Variants in C1orf185 observed in about 807,000 individuals in gnomAD.
The protein encoded by C1orf185 is uncharacterized protein C1orf185.
Under a neutral mutation model 16.1 loss-of-function variants are expected in C1orf185, and 13 were observed. The observed-to-expected ratio is 0.81, with a 90% CI of 0.53 to 1.28. C1orf185 has a LOEUF of 1.28. Ranked by LOEUF, C1orf185 falls within the 50% of genes most tolerant of loss-of-function variation. The probability of loss-of-function intolerance (pLI) is 0.00; values close to 1 mark genes in which losing one functional copy is unlikely to be tolerated. For missense variants in C1orf185, 220 were observed against 225.2 expected, an observed-to-expected ratio of 0.98 and a Z score of 0.15; for synonymous variants, 80 against 76.9, an observed-to-expected ratio of 1.04 and a Z score of -0.21.
chr1:51,148,819 T>A (rs1311728394), downstream of C1orf185, among the ~76,000 whole-genome samples: 7 of 152,138 alleles, frequency 4.6e-5, no homozygotes, highest in Admixed American at 2.0e-4. Flanking sequence ...CCCAGCTACT[T>A]GGGAGGCTGA....
intron 2 of C1orf185, among the ~76,000 whole-genome samples, chr1:51,116,447 G>T (rs1181658247): frequency 1.3e-5 from 2 of 151,682 alleles, no homozygotes; most frequent in African/African-American, 4.8e-5. Flanking sequence ...CTGAGTAGCT[G>T]GGGCTACAGG....
chr1:51,144,480 G>A (rs955673657), intron 3 of C1orf185, among the ~76,000 whole-genome samples: 2 of 152,132 alleles, frequency 1.3e-5, no homozygotes, highest in African/African-American at 4.8e-5. Context: ...GGGAGGCTAC[G>A]GTGGGAGGAT....
intron 2 of C1orf185, among the ~76,000 whole-genome samples, chr1:51,114,613 C>T (rs1303287494): frequency 6.6e-6 from 1 of 152,108 alleles, no homozygotes; most frequent in African/African-American, 2.4e-5. Context: ...ACCCCAGCTA[C>T]CTGGGAGGCT....
At chr1:51,135,410 A>C (rs2148027223) in intron 3 of C1orf185, among the ~76,000 whole-genome samples, 1 of 152,178 alleles carries the variant, frequency 6.6e-6, no homozygotes, top group Non-Finnish European at 1.5e-5. Flanking sequence ...GTGGTGGCAC[A>C]TGCCTGTAGT....
At chr1:51,107,920 T>C (rs1231079526) in intron 1 of C1orf185, among the ~76,000 whole-genome samples, 1 of 152,258 alleles carries the variant, frequency 6.6e-6, no homozygotes, top group African/African-American at 2.4e-5. Flanking sequence ...CAGTTTCCAA[T>C]TTGTGGGCTA....
intron 3 of C1orf185, among the ~76,000 whole-genome samples, chr1:51,137,007 A>G (rs1378185890): frequency 6.6e-5 from 10 of 152,210 alleles, no homozygotes; most frequent in Non-Finnish European, 1.3e-4. Flanking sequence ...CAAACCATGC[A>G]TCTGACAAAG....
At chr1:51,123,175 A>G (rs1348439372) in intron 3 of C1orf185, among the ~76,000 whole-genome samples, 2 of 152,066 alleles carry the variant, frequency 1.3e-5, no homozygotes, top group African/African-American at 2.4e-5. Flanking sequence ...CACTAGTCCC[A>G]CTCCTGTGAT....
At chr1:51,114,052 G>A (rs925651677) in intron 2 of C1orf185, among the ~76,000 whole-genome samples, 1 of 152,194 alleles carries the variant, frequency 6.6e-6, no homozygotes, top group African/African-American at 2.4e-5. Flanking sequence ...ATCTGAGTTA[G>A]AAGGAACCAG....
chr1:51,103,852 T>G (rs1646051223), intron 1 of C1orf185, among the ~76,000 whole-genome samples: 1 of 152,196 alleles, frequency 6.6e-6, no homozygotes, highest in African/African-American at 2.4e-5. Context: ...TATTAATTTC[T>G]TATAATATTA....
intron 2 of C1orf185, among the ~76,000 whole-genome samples, chr1:51,116,930 C>T (rs1441567339): frequency 3.9e-5 from 6 of 152,212 alleles, no homozygotes; most frequent in Admixed American, 3.3e-4. Context: ...CTAAAGGCTT[C>T]CCTGACCTCT....
At chr1:51,136,131 C>T (rs150842004) in intron 3 of C1orf185, among the ~76,000 whole-genome samples, 3 of 152,204 alleles carry the variant, frequency 2.0e-5, no homozygotes, top group East Asian at 3.9e-4. Flanking sequence ...AGAAGAACTA[C>T]AAAACACTGC....
intron 2 of C1orf185, among the ~76,000 whole-genome samples, chr1:51,118,202 A>G (rs548871190): frequency 1.8e-4 from 28 of 152,296 alleles, no homozygotes; most frequent in African/African-American, 4.6e-4. Context: ...TTACAGGCGT[A>G]AGCCACCGCA....
intron 3 of C1orf185, among the ~76,000 whole-genome samples, chr1:51,136,971 A>G (rs1012907618): frequency 6.6e-6 from 1 of 152,148 alleles, no homozygotes; most frequent in African/African-American, 2.4e-5. Context: ...GTAAACAAAA[A>G]ACCTACAAAT....
intron 3 of C1orf185, among the ~76,000 whole-genome samples, chr1:51,131,978 T>C (rs540516853): frequency 6.6e-6 from 1 of 152,162 alleles, no homozygotes; most frequent in Non-Finnish European, 1.5e-5. Flanking sequence ...GAGCACACAG[T>C]CTAGGAATTG....
At position 51,116,315 on chromosome 1, in the gene C1orf185, C is replaced by T. The variant is rs1438479968; in HGVS notation, c.123-2351C>T. On this transcript the variant is annotated intron_variant, in intron 2 of 4. Coordinates refer to ENST00000371759, the MANE Select transcript of C1orf185 (RefSeq NM_001136508.2). Reference sequence around the variant, plus strand: ...GCAAATCTGATCAAGTCACCCTACCCTTTTTTTTTTTTTTTTTGAAACGGA... The same window carrying T: ...GCAAATCTGATCAAGTCACCCTACCTTTTTTTTTTTTTTTTTTGAAACGGA... 1.3e-4 allele frequency among the ~76,000 whole-genome samples: 18 copies of T among 137,344 alleles called. No homozygotes were observed. The East Asian group carries it at 2.5e-3, about 19-fold the overall frequency. 90.1% of individuals were successfully genotyped at this position (137,344 alleles called of 152,430 possible). A position where few individuals can be genotyped will look rare whatever the true frequency, so the allele number is the denominator to read the frequency against.
At chr1:51,114,167 T>C (rs756897210) in intron 2 of C1orf185, among the ~76,000 whole-genome samples, 27 of 152,274 alleles carry the variant, frequency 1.8e-4, no homozygotes, top group Non-Finnish European at 2.9e-4. Flanking sequence ...AGAAGGCCAA[T>C]GTGAATAATC....
At chr1:51,113,019 A>G (rs907809248) in intron 2 of C1orf185, among the ~76,000 whole-genome samples, 1 of 151,680 alleles carries the variant, frequency 6.6e-6, no homozygotes, top group Admixed American at 6.6e-5. Flanking sequence ...GGGTTTCACC[A>G]TGTTGGCCAG....
intron 1 of C1orf185, among the ~76,000 whole-genome samples, chr1:51,110,088 A>G (rs11205818): frequency 0.076 from 11,639 of 152,190 alleles, 1,341 homozygotes; most frequent in African/African-American, 0.25. Flanking sequence ...TCCCTTAGCA[A>G]CATTTAAATT....
intron 2 of C1orf185, among the ~76,000 whole-genome samples, chr1:51,116,533 C>G (rs775633681): frequency 6.6e-6 from 1 of 152,010 alleles, no homozygotes. Flanking sequence ...AGGTTGATCT[C>G]GAACTCCTGA....
Sources: gnomAD v4.1 joint callset for allele counts (sites outside exome capture counted in the v4.1 genomes callset) on GRCh38, gnomAD v4.1.1 for gene constraint, MANE v1.5 for transcripts, NCBI Gene and HGNC (gene_info 2026-07-23, HGNC 2026-07-21) for gene names.